CNTNAP2: variants seen among roughly 807,000 people sequenced by gnomAD.
The protein encoded by CNTNAP2 is contactin-associated protein-like 2.
Under a neutral mutation model 155.2 loss-of-function variants are expected in CNTNAP2, and 98 were observed. The ratio of observed to expected loss-of-function variants is 0.63; its 90% confidence interval spans 0.54 to 0.75. CNTNAP2 has a LOEUF of 0.75. Among genes scored for constraint, CNTNAP2 ranks in the 30% least tolerant of loss-of-function variants. The pLI is 0.00. For synonymous variants in CNTNAP2, 651 were observed against 631.2 expected (o/e 1.03, Z -0.47); for missense variants, 1,727 against 1,688.1 (o/e 1.02, Z -0.40).
intron 13 of CNTNAP2, among the ~76,000 whole-genome samples, chr7:147,767,451 T>G (rs1268593505): frequency 6.6e-6 from 1 of 152,048 alleles, no homozygotes; most frequent in South Asian, 2.1e-4. Flanking sequence ...CAAATGTAAG[T>G]TGGTCACTTA....
chr7:147,823,670 A>G (rs780940078), intron 13 of CNTNAP2, among the ~76,000 whole-genome samples: 107 of 152,094 alleles, frequency 7.0e-4, no homozygotes, highest in Non-Finnish European at 1.5e-3. Flanking sequence ...AACTAAACAC[A>G]TTAGCAGTAA....
chr7:146,694,312 A>G (rs1267680371), intron 1 of CNTNAP2, among the ~76,000 whole-genome samples: 1 of 152,206 alleles, frequency 6.6e-6, no homozygotes, highest in East Asian at 1.9e-4. Flanking sequence ...ATAGATTTAC[A>G]CTTTTCCACG....
intron 21 of CNTNAP2, among the ~76,000 whole-genome samples, chr7:148,353,395 C>A (rs1160662824): frequency 1.3e-5 from 2 of 152,210 alleles, no homozygotes; most frequent in Non-Finnish European, 2.9e-5. Context: ...AACTCGAGGG[C>A]AGCATGCTGC....
intron 10 of CNTNAP2, among the ~76,000 whole-genome samples, chr7:147,398,356 T>A (rs1426062578): frequency 6.6e-6 from 1 of 151,606 alleles, no homozygotes; most frequent in Non-Finnish European, 1.5e-5. Flanking sequence ...TTTTCTTTTC[T>A]CCTTCCCAGT....
chr7:148,332,825 G>A (rs1211249186), intron 21 of CNTNAP2, among the ~76,000 whole-genome samples: 1 of 152,132 alleles, frequency 6.6e-6, no homozygotes, highest in Non-Finnish European at 1.5e-5. Context: ...CGGGGAGGGT[G>A]GATGTAGAAC....
chr7:146,747,836 G>GT (rs916078491), intron 1 of CNTNAP2, among the ~76,000 whole-genome samples: 13 of 152,134 alleles, frequency 8.5e-5, no homozygotes, highest in African/African-American at 3.1e-4. Flanking sequence ...ATATTTCTTA[G>GT]TTTTTTAAAT....
intron 1 of CNTNAP2, among the ~76,000 whole-genome samples, chr7:146,439,207 A>G (rs755635523): frequency 2.0e-5 from 3 of 151,430 alleles, no homozygotes; most frequent in African/African-American, 4.9e-5. Context: ...AGTGTTTAAG[A>G]TATTCATTTT....
At chr7:147,494,447 G>A (rs1393632702) in intron 11 of CNTNAP2, among the ~76,000 whole-genome samples, 1 of 101,458 alleles carries the variant, frequency 9.9e-6, no homozygotes, top group African/African-American at 4.3e-5. Context: ...TCAAAAATAT[G>A]TCTTTCTCTT....
chr7:146,336,497 G>A (rs1237997226), intron 1 of CNTNAP2, among the ~76,000 whole-genome samples: 1 of 151,338 alleles, frequency 6.6e-6, no homozygotes, highest in African/African-American at 2.4e-5. Flanking sequence ...AGGGCCTGCT[G>A]ACATGTTCTT....
intron 9 of CNTNAP2, among the ~76,000 whole-genome samples, chr7:147,327,947 A>C (rs1474059740): frequency 6.6e-6 from 1 of 152,196 alleles, no homozygotes; most frequent in Non-Finnish European, 1.5e-5. Flanking sequence ...TAGAAACCAA[A>C]GAATCTAGAG....
At chr7:148,125,973 G>C (rs1804709910) in intron 16 of CNTNAP2, among the ~76,000 whole-genome samples, 1 of 152,066 alleles carries the variant, frequency 6.6e-6, no homozygotes, top group Admixed American at 6.6e-5. Flanking sequence ...AAAGAACTGG[G>C]ATTATAGGTA....
chr7:147,268,373 A>G (rs1473276189), intron 8 of CNTNAP2, among the ~76,000 whole-genome samples: 1 of 152,206 alleles, frequency 6.6e-6, no homozygotes. Context: ...TTGCAGGAAC[A>G]TGGATGAAGC....
chr7:147,470,301 G>A (rs10224417), intron 10 of CNTNAP2, among the ~76,000 whole-genome samples: 113,836 of 145,696 alleles, frequency 0.78, 45,050 homozygotes, highest in African/African-American at 0.88. Context: ...GGTAGCTATG[G>A]TAGTGTCTTG....
At chr7:147,492,102 A>G (rs1204731455) in intron 11 of CNTNAP2, among the ~76,000 whole-genome samples, 2 of 152,166 alleles carry the variant, frequency 1.3e-5, no homozygotes. Flanking sequence ...GGTTCATAGG[A>G]GACAGTTTTT....
intron 1 of CNTNAP2, among the ~76,000 whole-genome samples, chr7:146,568,065 G>A (rs1481700140): frequency 1.3e-5 from 2 of 152,060 alleles, no homozygotes; most frequent in African/African-American, 4.8e-5. Context: ...GACCTATGTT[G>A]GCACATAGTA....
chr7:147,764,047 G>A (rs946670831), intron 13 of CNTNAP2, among the ~76,000 whole-genome samples: 14 of 152,068 alleles, frequency 9.2e-5, no homozygotes, highest in Admixed American at 2.0e-4. Flanking sequence ...TTCTGTGGCC[G>A]TACCTTATAC....
intron 15 of CNTNAP2, among the ~76,000 whole-genome samples, chr7:148,083,883 G>GAATT (rs1406463919): frequency 6.6e-6 from 1 of 152,152 alleles, no homozygotes; most frequent in African/African-American, 2.4e-5. Flanking sequence ...GAGTCTCCAT[G>GAATT]AATTGCACTT....
intron 21 of CNTNAP2, among the ~76,000 whole-genome samples, chr7:148,372,119 G>C (rs187261770): frequency 6.6e-6 from 1 of 151,540 alleles, no homozygotes; most frequent in Non-Finnish European, 1.5e-5. Context: ...GGAGCATCGC[G>C]TGAACCTGGG....
intron 8 of CNTNAP2, among the ~76,000 whole-genome samples, chr7:147,289,826 A>C (rs1321711970): frequency 6.6e-6 from 1 of 152,194 alleles, no homozygotes; most frequent in Non-Finnish European, 1.5e-5. Flanking sequence ...TCTCCTGTTT[A>C]AGAGCAAATA....
Sources: gnomAD v4.1 joint callset for allele counts (sites outside exome capture counted in the v4.1 genomes callset) on GRCh38, gnomAD v4.1.1 for gene constraint, MANE v1.5 for transcripts, NCBI Gene and HGNC (gene_info 2026-07-23, HGNC 2026-07-21) for gene names.